Variants in ANKRD55 observed in about 807,000 individuals in gnomAD.
The protein encoded by ANKRD55 is ankyrin repeat domain 55.
In ANKRD55, 41 loss-of-function variants were observed where a neutral mutation model predicts 60.6. The ratio of observed to expected loss-of-function variants is 0.68; its 90% CI spans 0.53 to 0.88. The LOEUF is 0.88. Ranked by LOEUF, ANKRD55 falls within the 40% of genes least tolerant of loss-of-function variation. The probability of loss-of-function intolerance (pLI) is 0.00; values close to 1 mark genes in which losing one functional copy is unlikely to be tolerated. For missense variants in ANKRD55, 732 were observed against 767.6 expected, an observed-to-expected ratio of 0.95 and a Z score of 0.55; for synonymous variants, 264 against 290.3, an observed-to-expected ratio of 0.91 and a Z score of 0.92.
chr5:56,193,926 A>G (rs527682619), intron 2 of ANKRD55, among the ~76,000 whole-genome samples: 3 of 152,306 alleles, frequency 2.0e-5, no homozygotes, highest in African/African-American at 7.2e-5. Flanking sequence ...TTTGTTGTCT[A>G]TTTTTGACCA....
rs749573028 is a variant in ANKRD55 at position 56,126,948 on chromosome 5, G to T, written c.771C>A (p.Asn257Lys). Residue 257 changes from asparagine (N) to lysine (K), a missense_variant, in exon 8 of 12, where the codon AAC becomes AAA. Transcript: ENST00000341048. ...TGTCATCCACATCCAGAGCCTGCAGGTTACACTCAGGGACTCTTGCCAGCT... is the reference window on the plus strand; with the variant it reads ...TGTCATCCACATCCAGAGCCTGCAGTTTACACTCAGGGACTCTTGCCAGCT... Reference protein sequence around the residue: ...IHELARVPECNLQALDVDDRT... With the variant: ...IHELARVPECKLQALDVDDRT... 2 of 1,612,952 alleles carry T rather than the reference G, an allele frequency of 1.2e-6. No homozygotes were observed. Among genetic ancestry groups the T allele is most frequent in the South Asian group, 1.1e-5 (1 of 90,864 alleles).
At position 56,102,543 on chromosome 5, in the gene ANKRD55, C is replaced by A. The variant is rs1455022923; in HGVS notation, c.1674G>T (p.Arg558Ser). ...GGTTGTTCCGAGTGAAAGGAAGATC[C>A]CTGATTTTGTGTCTGTTTGGGGAAA... The part of the protein sequence containing the change: ...QHLSPNRHKI[R>S]DLPFTRNNLA... Residue 558 changes from arginine (R) to serine (S), a missense_variant, in exon 11 of 12, where the codon AGG (arginine) becomes AGT (serine). Physicochemically the swap from Arg to Ser is moderately radical, Grantham distance 110 (BLOSUM62 -1). Around this residue, in one of 3 missense-constraint regions of ANKRD55, gnomAD observed 597 missense variants for 607.5 expected, o/e 0.98. Coordinates refer to ENST00000341048, the MANE Select transcript of ANKRD55 (RefSeq NM_024669.3). The A allele has an allele frequency of 6.2e-7, 1 of 1,613,230 alleles. No individual in the cohort carries two copies. The highest frequency in any genetic ancestry group is 1.3e-5 in the African/African-American group (1 of 74,814).
chr5:56,177,642 G>A (rs894006484), intron 3 of ANKRD55, among the ~76,000 whole-genome samples: 4 of 152,042 alleles, frequency 2.6e-5, no homozygotes, highest in Admixed American at 6.6e-5. Context: ...GGGCATGGTG[G>A]CACGCACCTA....
At chr5:56,223,361 C>T (rs1341049703) in intron 2 of ANKRD55, among the ~76,000 whole-genome samples, 2 of 152,156 alleles carry the variant, frequency 1.3e-5, no homozygotes. Flanking sequence ...AAGCACTAAA[C>T]ATGGAAAGGA....
chr5:56,120,199 G>A (rs1026389935), intron 8 of ANKRD55, among the ~76,000 whole-genome samples: 5 of 152,176 alleles, frequency 3.3e-5, no homozygotes, highest in South Asian at 2.1e-4. Context: ...ACCACACCCA[G>A]CTAATTTTTG....
chr5:56,218,288 A>T (rs1581029023), intron 2 of ANKRD55, among the ~76,000 whole-genome samples: 1 of 152,366 alleles, frequency 6.6e-6, no homozygotes, highest in African/African-American at 2.4e-5. Context: ...AAGAATTTCT[A>T]CGGTGGGTAA....
chr5:56,155,526 A>T (rs915099895), intron 6 of ANKRD55, among the ~76,000 whole-genome samples: 3 of 152,212 alleles, frequency 2.0e-5, no homozygotes, highest in Non-Finnish European at 2.9e-5. Context: ...CTGATTTCTC[A>T]GAAGGTCAGA....
At chr5:56,142,051 T>C (rs114264086) in intron 7 of ANKRD55, among the ~76,000 whole-genome samples, 2,863 of 152,258 alleles carry the variant, frequency 0.019, 48 homozygotes, top group Admixed American at 0.043. Context: ...GATTCCCGGC[T>C]GGGTGCAGTG....
chr5:56,139,887 C>A (rs1199840673), intron 7 of ANKRD55, among the ~76,000 whole-genome samples: 1 of 151,992 alleles, frequency 6.6e-6, no homozygotes, highest in Non-Finnish European at 1.5e-5. Flanking sequence ...GCATAGGCAA[C>A]ATGGTGAGAC....
intron 10 of ANKRD55, among the ~76,000 whole-genome samples, chr5:56,109,933 G>C (rs551066175): frequency 8.5e-5 from 13 of 152,154 alleles, no homozygotes; most frequent in Non-Finnish European, 1.2e-4. Flanking sequence ...CAGGAGAATC[G>C]CTTGAACCCG....
intron 2 of ANKRD55, among the ~76,000 whole-genome samples, chr5:56,190,588 T>TAA (rs1412327389): frequency 1.3e-5 from 2 of 152,246 alleles, no homozygotes; most frequent in African/African-American, 2.4e-5. Context: ...ACTATTGTCT[T>TAA]AGTCTGTTTC....
intron 2 of ANKRD55, among the ~76,000 whole-genome samples, chr5:56,200,919 T>C (rs1759350200): frequency 6.6e-6 from 1 of 152,198 alleles, no homozygotes; most frequent in African/African-American, 2.4e-5. Flanking sequence ...CTTTCTTAGA[T>C]TGTTCCTTGA....
At chr5:56,224,900 A>C (rs1760067198) in intron 2 of ANKRD55, among the ~76,000 whole-genome samples, 2 of 152,204 alleles carry the variant, frequency 1.3e-5, no homozygotes, top group Non-Finnish European at 2.9e-5. Flanking sequence ...ATTCTACCAG[A>C]GCTACAAAAA....
At position 56,178,052 on chromosome 5, in the gene ANKRD55, A is replaced by G. The variant is rs368968394; in HGVS notation, c.182-1770T>C. ...GTTTAAAATTTGTCTCTTCTAAGCTATAATTCGAAGTGGAAGGAACCACAT... is the reference window on the plus strand; with the variant it reads ...GTTTAAAATTTGTCTCTTCTAAGCTGTAATTCGAAGTGGAAGGAACCACAT... On this transcript the variant is annotated intron_variant, in intron 3 of 11. Coordinates refer to ENST00000341048, the MANE Select transcript of ANKRD55 (RefSeq NM_024669.3). Among the ~76,000 whole-genome samples the G allele has an allele frequency of 3.1e-4, 47 of 152,336 alleles. No individual in the cohort carries two copies. In the South Asian group the frequency reaches 5.2e-3, roughly 17 times the overall value.
chr5:56,156,612 C>T (rs1181608100), intron 6 of ANKRD55, among the ~76,000 whole-genome samples: 1 of 152,032 alleles, frequency 6.6e-6, no homozygotes, highest in African/African-American at 2.4e-5. Context: ...TAGGGATTAC[C>T]CCAGAGGTTG....
At chr5:56,206,152 T>A (rs1457617895) in intron 2 of ANKRD55, among the ~76,000 whole-genome samples, 1 of 151,512 alleles carries the variant, frequency 6.6e-6, no homozygotes, top group Non-Finnish European at 1.5e-5. Context: ...ATTTTTTGTA[T>A]TTTTAGTAGA....
At chr5:56,114,166 TA>T in intron 9 of ANKRD55, 1 of 158,738 alleles carries the variant, frequency 6.3e-6, no homozygotes, top group Non-Finnish European at 1.4e-5. Flanking sequence ...CTGTCTCTAC[TA>T]AAAATACAAA....
intron 7 of ANKRD55, among the ~76,000 whole-genome samples, chr5:56,130,176 G>A (rs1455949643): frequency 6.6e-6 from 1 of 152,076 alleles, no homozygotes; most frequent in Non-Finnish European, 1.5e-5. Context: ...ATAGTGGGAG[G>A]GGGAAAAGGT....
At chr5:56,200,219 C>T (rs538474221) in intron 2 of ANKRD55, among the ~76,000 whole-genome samples, 128 of 152,132 alleles carry the variant, frequency 8.4e-4, no homozygotes, top group African/African-American at 3.0e-3. Context: ...ATATCTATAA[C>T]TAAGAAAGCA....
Sources: gnomAD v4.1 joint callset for allele counts (sites outside exome capture counted in the v4.1 genomes callset) on GRCh38, gnomAD v4.1.1 for gene constraint, gnomAD v4.1.1 regional missense constraint, MANE v1.5 for transcripts, NCBI Gene and HGNC (gene_info 2026-07-23, HGNC 2026-07-21) for gene names.